Variants in CRLF1 observed in about 807,000 individuals in gnomAD.
CRLF1 encodes cytokine receptor like factor 1, also known as cytokine receptor-like factor 1.
Under a neutral mutation model 48.9 loss-of-function variants are expected in CRLF1, and 36 were observed. The observed-to-expected ratio is 0.74, with a 90% CI of 0.56 to 0.97. The LOEUF (loss-of-function observed/expected upper bound fraction) is 0.97, where lower values mean the gene tolerates loss of function less well. Ranked by LOEUF, CRLF1 falls within the 50% of genes least tolerant of loss-of-function variation. The pLI, the probability that CRLF1 is intolerant of heterozygous loss-of-function variation, is 0.00. For missense variants in CRLF1, 534 were observed against 575.1 expected, an observed-to-expected ratio of 0.93 and a Z score of 0.73; for synonymous variants, 256 against 253.4, an observed-to-expected ratio of 1.01 and a Z score of -0.10.
In CRLF1 at chr19:18,597,053, C is replaced by T. The variant is rs1256699022; in HGVS notation, c.698-4G>A. ...TCGGGCGGGGGGTCCGTGGTCACTG[C>T]GGGGCAGAGGAGGGACCCTCTCAGC... is the stretch of plus-strand genomic sequence containing the variant. On this transcript the variant is annotated splice_polypyrimidine_tract_variant and splice_region_variant and intron_variant, in intron 4 of 8. Coordinates refer to ENST00000392386, the MANE Select transcript of CRLF1 (RefSeq NM_004750.5). 3 of 1,611,706 alleles carry T rather than the reference C, an allele frequency of 1.9e-6. No homozygotes were observed. The East Asian group carries it at 6.7e-5, about 36-fold the overall frequency.
intron 1 of CRLF1, among the ~76,000 whole-genome samples, chr19:18,601,956 C>G (rs1976226941): frequency 6.6e-6 from 1 of 152,210 alleles, no homozygotes; most frequent in South Asian, 2.1e-4. Flanking sequence ...CAACTCCCAT[C>G]CAAAGGGACT....
At chr19:18,603,077 C>T (rs919430611) in intron 1 of CRLF1, among the ~76,000 whole-genome samples, 2 of 152,228 alleles carry the variant, frequency 1.3e-5, no homozygotes, top group African/African-American at 4.8e-5. Flanking sequence ...GTTGTAAAGA[C>T]TCATCCACGC....
At position 18,596,669 on chromosome 19, in the gene CRLF1, A is replaced by T. The variant is rs765697276; in HGVS notation, c.977T>A (p.Ile326Asn). The T allele has an allele frequency of 6.2e-7, 1 of 1,613,968 alleles. No homozygotes were observed. Among genetic ancestry groups the T allele is most frequent in the Non-Finnish European group, 8.5e-7 (1 of 1,179,996 alleles). The change falls in exon 6 of 9, where the codon ATC (isoleucine) becomes AAC (asparagine). Residue 326 changes from isoleucine (I) to asparagine (N), a missense_variant. By Grantham distance (149) the Ile-to-Asn change is moderately radical. Transcript: ENST00000392386. ...FGIYGSKKAG[I>N]WSEWSHPTAA... The stretch of plus-strand genomic sequence containing the variant: ...TGTGGGGTGGCTCCACTCACTCCAG[A>T]TCCCGGCTTTCTTGGAGCCATAGAT...
In CRLF1 at chr19:18,593,356, C is replaced by T. The variant is rs1976081014; in HGVS notation, c.*210G>A. ...GGGGTTCTAGGCAACTCAACCAACCCTCACACACACACACACACCCACTGG... is the reference window on the plus strand; with the variant it reads ...GGGGTTCTAGGCAACTCAACCAACCTTCACACACACACACACACCCACTGG... On this transcript the variant is annotated 3_prime_UTR_variant, in exon 9 of 9. Coordinates refer to ENST00000392386, the MANE Select transcript of CRLF1 (RefSeq NM_004750.5). 3.1e-6 allele frequency: 2 copies of T among 648,046 alleles called. No individual in the cohort carries two copies. The highest frequency in any genetic ancestry group is 3.7e-5 in the African/African-American group (2 of 54,590). The allele number at this position is 648,046 out of a possible 1,614,324, so 40.1% of individuals were successfully genotyped here.
chr19:18,593,587 C>G lies in CRLF1; in HGVS notation c.1256-8G>C. 1.9e-6 allele frequency: 3 copies of G among 1,607,402 alleles called. No homozygotes were observed. On this transcript the variant is annotated splice_region_variant and splice_polypyrimidine_tract_variant and intron_variant, in intron 8 of 8. Transcript: ENST00000392386. ...CAGCTTATCTGGCAGGACCTGCAGGCAGAGGGGAAGCCAAGCTAAGCAGGG... is the reference window on the plus strand; with the variant it reads ...CAGCTTATCTGGCAGGACCTGCAGGGAGAGGGGAAGCCAAGCTAAGCAGGG...
At position 18,598,605 on chromosome 19, in the gene CRLF1, C is replaced by A. The variant is rs184575360; in HGVS notation, c.528-4G>T. 2 of 1,613,974 alleles carry A rather than the reference C, an allele frequency of 1.2e-6. No individual in the cohort carries two copies. Among genetic ancestry groups the A allele is most frequent in the Non-Finnish European group, 1.7e-6 (2 of 1,179,958 alleles). On this transcript the variant is annotated splice_region_variant and splice_polypyrimidine_tract_variant and intron_variant, in intron 3 of 8. Coordinates refer to ENST00000392386, the MANE Select transcript of CRLF1 (RefSeq NM_004750.5). ...TGTGTTGTCCTGGCCATACCACCTG[C>A]GGGGATGGGAGGGCGACAGGACGCA... is the stretch of plus-strand genomic sequence containing the variant.
At chr19:18,597,832 G>A (rs1377198021) in intron 4 of CRLF1, among the ~76,000 whole-genome samples, 1 of 152,060 alleles carries the variant, frequency 6.6e-6, no homozygotes, top group Non-Finnish European at 1.5e-5. Flanking sequence ...AGGATGTGGG[G>A]AAGAGTGAGG....
intron 1 of CRLF1, among the ~76,000 whole-genome samples, chr19:18,601,973 C>T (rs1976227115): frequency 6.6e-6 from 1 of 152,204 alleles, no homozygotes; most frequent in Non-Finnish European, 1.5e-5. Context: ...GACTTGACAT[C>T]ATCGCTGTTT....
chr19:18,597,431 CTT>C lies in CRLF1; in HGVS notation c.698-384_698-383del, dbSNP rs765610119. Among the ~76,000 whole-genome samples, 328 of 81,620 alleles carry C rather than the reference CTT, an allele frequency of 4.0e-3. 28 individuals are homozygous for C. Among genetic ancestry groups the C allele is most frequent in the African/African-American group, 0.02 (312 of 15,292 alleles). 53.5% of individuals were successfully genotyped at this position (81,620 alleles called of 152,430 possible). Reference sequence around the variant, plus strand: ...TCCCCACTCACACCTCCCTTCCACTCTTTTTTTTTTTTTTTTGAGACGGAGTC... The same window carrying C: ...TCCCCACTCACACCTCCCTTCCACTCTTTTTTTTTTTTTTGAGACGGAGTC... On this transcript the variant is annotated intron_variant, in intron 4 of 8. Transcript: ENST00000392386.
At position 18,597,039 on chromosome 19, in the gene CRLF1, G is replaced by T. The variant is rs899691434; in HGVS notation, c.708C>A (p.Asp236Glu). 6.2e-7 allele frequency: 1 copy of T among 1,612,502 alleles called. No individual in the cohort carries two copies. Among genetic ancestry groups the T allele is most frequent in the African/African-American group, 1.3e-5 (1 of 74,884 alleles). The change falls in exon 5 of 9, where the codon GAC becomes GAA. Residue 236 changes from aspartate (D) to glutamate (E), a missense_variant. Around this residue, in one of 2 missense-constraint regions of CRLF1, gnomAD observed 528 missense variants for 555.7 expected, o/e 0.95. Coordinates refer to ENST00000392386, the MANE Select transcript of CRLF1 (RefSeq NM_004750.5). The stretch of plus-strand genomic sequence containing the variant: ...GGCTCACGTGCACGTCGGGCGGGGG[G>T]TCCGTGGTCACTGCGGGGCAGAGGA... ...TLDILDVVTT[D>E]PPPDVHVSRV...
intron 1 of CRLF1, among the ~76,000 whole-genome samples, chr19:18,603,819 C>T (rs890852920): frequency 1.3e-5 from 2 of 149,624 alleles, no homozygotes; most frequent in Admixed American, 6.6e-5. Context: ...GCCCAGGGCT[C>T]GCCGGAGGTC....
chr19:18,597,028 T>A lies in CRLF1; in HGVS notation c.719A>T (p.Asp240Val), dbSNP rs762946618. 4 of 1,612,546 alleles carry A rather than the reference T, an allele frequency of 2.5e-6. No homozygotes were observed. In the South Asian group the frequency reaches 4.4e-5, roughly 18 times the overall value. Reference protein sequence around the residue: ...LDVVTTDPPPDVHVSRVGGLE... With the variant: ...LDVVTTDPPPVVHVSRVGGLE... ...GCCCCCGACGCGGCTCACGTGCACG[T>A]CGGGCGGGGGGTCCGTGGTCACTGC... The change falls in exon 5 of 9, where the codon GAC (aspartate) becomes GTC (valine). Residue 240 changes from aspartate to valine, a missense_variant. By Grantham distance (152) the Asp-to-Val change is radical. Coordinates refer to ENST00000392386, the MANE Select transcript of CRLF1 (RefSeq NM_004750.5).
At chr19:18,605,045 G>C (rs1437251659) in intron 1 of CRLF1, among the ~76,000 whole-genome samples, 8 of 152,162 alleles carry the variant, frequency 5.3e-5, no homozygotes, top group Admixed American at 3.9e-4. Flanking sequence ...CTGCTGGTCA[G>C]GTGCTAAGAC....
At chr19:18,595,159 C>T (rs989366992) in intron 6 of CRLF1, among the ~76,000 whole-genome samples, 7 of 152,322 alleles carry the variant, frequency 4.6e-5, no homozygotes, top group Non-Finnish European at 7.4e-5. Context: ...TAAATAAAGC[C>T]GGGGACCCGC....
chr19:18,602,665 A>G (rs1248130278), intron 1 of CRLF1, among the ~76,000 whole-genome samples: 3 of 152,166 alleles, frequency 2.0e-5, no homozygotes, highest in African/African-American at 7.2e-5. Context: ...CCAACAAAAC[A>G]AACCTCATGA....
At chr19:18,600,951 T>A (rs1428163906) in intron 1 of CRLF1, among the ~76,000 whole-genome samples, 2 of 151,844 alleles carry the variant, frequency 1.3e-5, no homozygotes, top group African/African-American at 4.8e-5. Context: ...ACTACAGGTG[T>A]GCACCACCAC....
chr19:18,606,541 CG>C lies in CRLF1; in HGVS notation c.115del (p.His39ThrfsTer4). 1 of 1,149,504 alleles carries C rather than the reference CG, an allele frequency of 8.7e-7. No homozygotes were observed. The highest frequency in any genetic ancestry group is 1.6e-5 in the African/African-American group (1 of 61,336). 71.2% of individuals were successfully genotyped at this position (1,149,504 alleles called of 1,614,324 possible). On this transcript the variant is annotated frameshift_variant and splice_region_variant, in exon 1 of 9. Transcript: ENST00000392386. LOFTEE classifies it high-confidence loss of function. This position sits in a 1 kb window ranked among gnomAD's most constrained non-coding sequence, Gnocchi z 4.8. ...LGAPRAGSGAHTAVISPQDPT... is the reference protein window; with the variant it reads ...LGAPRAGSGAXTAVISPQDPT... ...GAAGGAGTGGGGCGCCGGGTACTCA[CG>C]GGCTCCTGATCCGGCTCGCGGCGCC...
chr19:18,598,138 T>C (rs1976167187), intron 4 of CRLF1, among the ~76,000 whole-genome samples: 1 of 151,952 alleles, frequency 6.6e-6, no homozygotes, highest in Non-Finnish European at 1.5e-5. Flanking sequence ...CCCCCTCCCC[T>C]CTCCCCAGGG....
Position 18,606,063 on chromosome 19 carries a change from A to G in CRLF1, c.115+479T>C, listed in dbSNP as rs1976290421. ...CCCCCGGGACCCCGGGCTGCGCGCC[A>G]GGCGGCCAGAGCGGCCCCCCTGCAG... On this transcript the variant is annotated intron_variant, in intron 1 of 8. Transcript: ENST00000392386. This position sits in a 1 kb window ranked among gnomAD's most constrained non-coding sequence, Gnocchi z 4.8. 6.6e-6 allele frequency among the ~76,000 whole-genome samples: 1 copy of G among 151,024 alleles called. No homozygotes were observed. The highest frequency in any genetic ancestry group is 2.4e-5 in the African/African-American group (1 of 41,100).
Sources: gnomAD v4.1 joint callset for allele counts (sites outside exome capture counted in the v4.1 genomes callset) on GRCh38, gnomAD v4.1.1 for gene constraint, gnomAD v4.1.1 regional missense constraint, Gnocchi (gnomAD v3.1) non-coding constraint, MANE v1.5 for transcripts, NCBI Gene and HGNC (gene_info 2026-07-23, HGNC 2026-07-21) for gene names.